Variants in ZNF226 observed in about 807,000 individuals in gnomAD.
The protein encoded by ZNF226 is zinc finger protein 226.
A neutral mutation model predicts 11.4 loss-of-function variants in ZNF226; 6 were observed. The observed-to-expected ratio is 0.53, with a 90% CI of 0.29 to 1.04. The LOEUF (loss-of-function observed/expected upper bound fraction) is 1.04. Among genes scored for constraint, ZNF226 ranks in the 50% least tolerant of loss-of-function variants. The pLI is 0.08. For missense variants in ZNF226, 1,058 were observed against 956.5 expected (o/e 1.11, Z -1.40); for synonymous variants, 350 against 322.8 (o/e 1.08, Z -0.90).
chr19:44,176,571 C>A lies in ZNF226; in HGVS notation c.1309C>A (p.His437Asn). The change falls in exon 6 of 6, where the codon CAT becomes AAT. Residue 437 changes from histidine (H) to asparagine (N), a missense_variant. By Grantham distance (68) the His-to-Asn change is moderately conservative. Coordinates refer to ENST00000337433, the MANE Select transcript of ZNF226 (RefSeq NM_001032373.2). ...CATTTGTAGCTCAAATCTTTACATT[C>A]ATCAGAGAGTCCACACAGGAGAAAA... ...GFICSSNLYI[H>N]QRVHTGEKPY... 6.2e-6 allele frequency: 10 copies of A among 1,614,138 alleles called. No individual in the cohort carries two copies. The highest frequency in any genetic ancestry group is 8.5e-6 in the Non-Finnish European group (10 of 1,180,006).
intron 2 of ZNF226, among the ~76,000 whole-genome samples, chr19:44,168,629 G>T (rs1969681760): frequency 1.3e-5 from 2 of 152,036 alleles, no homozygotes; most frequent in African/African-American, 4.8e-5. Flanking sequence ...ATTTATTCAT[G>T]ATTAAATTCA....
chr19:44,179,492 A>G (rs1363223034), downstream of ZNF226, among the ~76,000 whole-genome samples: 1 of 152,210 alleles, frequency 6.6e-6, no homozygotes, highest in Non-Finnish European at 1.5e-5. Context: ...TCAATTATAA[A>G]AACTTGTATG....
At chr19:44,186,588 T>C in the ZNF226 span, among the ~76,000 whole-genome samples, 4 of 152,022 alleles carry the variant, frequency 2.6e-5, no homozygotes, top group African/African-American at 9.7e-5. Context: ...TGTAGCTTTT[T>C]TGTGTACGTG....
At chr19:44,182,353 G>T (rs1468804793), downstream of ZNF226, among the ~76,000 whole-genome samples, 2 of 139,952 alleles carry the variant, frequency 1.4e-5, no homozygotes, top group Non-Finnish European at 3.0e-5. Context: ...GCGCGCGCGT[G>T]CATACACACA....
At position 44,177,377 on chromosome 19, in the gene ZNF226, T is replaced by A. The variant is rs930205392; in HGVS notation, c.2115T>A (p.Gly705=). ...GEKPYKCGEC[G]KYFSQASSLQ... ...AACCATATAAATGTGGGGAGTGTGGTAAGTACTTCAGTCAGGCCTCAAGTC... is the reference window on the plus strand; with the variant it reads ...AACCATATAAATGTGGGGAGTGTGGAAAGTACTTCAGTCAGGCCTCAAGTC... Residue 705 remains glycine, a synonymous_variant, in exon 6 of 6, where the codon GGT becomes GGA. Coordinates refer to ENST00000337433, the MANE Select transcript of ZNF226 (RefSeq NM_001032373.2). 6.2e-7 allele frequency: 1 copy of A among 1,612,284 alleles called. No homozygotes were observed. The highest frequency in any genetic ancestry group is 1.3e-5 in the African/African-American group (1 of 74,290).
At chr19:44,172,571 A>G (rs1489994146) in intron 4 of ZNF226, 1 of 452,918 alleles carries the variant, frequency 2.2e-6, no homozygotes, top group East Asian at 3.9e-5. Context: ...CACACACTGC[A>G]GCAAAAACTC....
At chr19:44,183,986 G>A in the ZNF226 span, among the ~76,000 whole-genome samples, 3 of 152,122 alleles carry the variant, frequency 2.0e-5, no homozygotes, top group Non-Finnish European at 4.4e-5. Flanking sequence ...TAAATCTCCT[G>A]CAACTTGTTT....
chr19:44,176,337 G>A lies in ZNF226; in HGVS notation c.1075G>A (p.Ala359Thr), dbSNP rs1271358989. The A allele has an allele frequency of 2.5e-6, 4 of 1,614,244 alleles. No individual in the cohort carries two copies. The highest frequency in any genetic ancestry group is 3.4e-6 in the Non-Finnish European group (4 of 1,180,044). The change falls in exon 6 of 6, where the codon GCA becomes ACA. Residue 359 changes from alanine to threonine, a missense_variant. Coordinates refer to ENST00000337433, the MANE Select transcript of ZNF226 (RefSeq NM_001032373.2). ...TAATGTTCATTGCAAGGTCCACACG[G>A]CAGAGAAACCTTATAATTGTGAGGA... ...ALNVHCKVHTAEKPYNCEECG... is the reference protein window; with the variant it reads ...ALNVHCKVHTTEKPYNCEECG...
In ZNF226 at chr19:44,176,378, C is replaced by T; in HGVS notation, c.1116C>T (p.Phe372=). 6.2e-7 allele frequency: 1 copy of T among 1,614,148 alleles called. No individual in the cohort carries two copies. Among genetic ancestry groups the T allele is most frequent in the East Asian group, 2.2e-5 (1 of 44,880 alleles). ...ATTGTGAGGAGTGTGGGAGGGCCTT[C>T]AGTCAGGCCTCTCATCTTCAGGACC... ...PYNCEECGRA[F]SQASHLQDHQ... Residue 372 remains phenylalanine (F), a synonymous_variant, in exon 6 of 6, where the codon TTC becomes TTT. Coordinates refer to ENST00000337433, the MANE Select transcript of ZNF226 (RefSeq NM_001032373.2).
In ZNF226 at chr19:44,175,710, G is replaced by A; in HGVS notation, c.448G>A (p.Val150Ile). ...AATTTCTGAAGATGAGAACTATATA[G>A]TAAATAAAGCAGATGGTCCCAATAA... ...IQISEDENYI[V>I]NKADGPNNTG... Residue 150 changes from valine (V) to isoleucine (I), a missense_variant, in exon 6 of 6, where the codon GTA (valine) becomes ATA (isoleucine). Physicochemically the swap from Val to Ile is conservative, Grantham distance 29. Coordinates refer to ENST00000337433, the MANE Select transcript of ZNF226 (RefSeq NM_001032373.2). The A allele has an allele frequency of 6.2e-7, 1 of 1,612,528 alleles. No homozygotes were observed. The highest frequency in any genetic ancestry group is 1.3e-5 in the African/African-American group (1 of 74,908).
chr19:44,193,596 G>A, the ZNF226 span, among the ~76,000 whole-genome samples: 3 of 151,656 alleles, frequency 2.0e-5, no homozygotes, highest in African/African-American at 7.3e-5. Context: ...TTAACTTCTG[G>A]ATATTTACAT....
the ZNF226 span, among the ~76,000 whole-genome samples, chr19:44,194,471 G>C: frequency 2.6e-5 from 4 of 152,060 alleles, no homozygotes; most frequent in Non-Finnish European, 5.9e-5. Flanking sequence ...TAGAGACAGG[G>C]TCTTGTTATG....
At chr19:44,187,808 T>A in the ZNF226 span, among the ~76,000 whole-genome samples, 6 of 152,224 alleles carry the variant, frequency 3.9e-5, no homozygotes, top group South Asian at 8.3e-4. The surrounding 1 kb of genome is among the most constrained non-coding windows in gnomAD (Gnocchi z 4.0). Context: ...ATCTCATAAG[T>A]TTTGAAATGT....
At chr19:44,166,182 C>G (rs1042296335) in intron 2 of ZNF226, among the ~76,000 whole-genome samples, 7 of 152,126 alleles carry the variant, frequency 4.6e-5, no homozygotes, top group African/African-American at 1.4e-4. Context: ...GGACTTTGCT[C>G]AAGGTCTGGG....
chr19:44,189,294 A>G, the ZNF226 span, among the ~76,000 whole-genome samples: 4 of 152,364 alleles, frequency 2.6e-5, no homozygotes, highest in East Asian at 7.7e-4. Flanking sequence ...GTTTCGAGCC[A>G]TGAACCTGGG....
chr19:44,191,826 C>A, the ZNF226 span, among the ~76,000 whole-genome samples: 2 of 151,512 alleles, frequency 1.3e-5, no homozygotes, highest in African/African-American at 2.4e-5. Flanking sequence ...ATAAAGACAA[C>A]ATGAAGCATG....
At chr19:44,190,778 G>A in the ZNF226 span, among the ~76,000 whole-genome samples, 2 of 152,138 alleles carry the variant, frequency 1.3e-5, no homozygotes, top group Non-Finnish European at 2.9e-5. Context: ...ACTGTATCAT[G>A]TTACAAGGAG....
At chr19:44,167,314 C>CT (rs35919865) in intron 2 of ZNF226, among the ~76,000 whole-genome samples, 54,795 of 105,680 alleles carry the variant, frequency 0.52, 15,340 homozygotes, top group South Asian at 0.64. Context: ...ATTTCTTTAA[C>CT]TTTTTTTTTT....
Position 44,175,909 on chromosome 19 carries a change from G to A in ZNF226, c.647G>A (p.Arg216Lys), listed in dbSNP as rs1172985411. 4.3e-6 allele frequency: 7 copies of A among 1,613,438 alleles called. No individual in the cohort carries two copies. The highest frequency in any genetic ancestry group is 5.9e-6 in the Non-Finnish European group (7 of 1,179,732). The change falls in exon 6 of 6, where the codon AGA becomes AAA. Residue 216 changes from arginine (R) to lysine (K), a missense_variant. By Grantham distance (26) the Arg-to-Lys change is conservative. Transcript: ENST00000337433. ...TGGATTTCACATCATGATGGTCATAGAGTACACAAAAGTGAAAAATCTTAT... is the reference window on the plus strand; with the variant it reads ...TGGATTTCACATCATGATGGTCATAAAGTACACAAAAGTGAAAAATCTTAT... ...IGWISHHDGH[R>K]VHKSEKSYRP...
Sources: gnomAD v4.1 joint callset for allele counts (sites outside exome capture counted in the v4.1 genomes callset) on GRCh38, gnomAD v4.1.1 for gene constraint, Gnocchi (gnomAD v3.1) non-coding constraint, MANE v1.5 for transcripts, NCBI Gene and HGNC (gene_info 2026-07-23, HGNC 2026-07-21) for gene names.